The following CAMK1D variants were observed in gnomAD, a reference collection of about 807,000 sequenced individuals.
The protein encoded by CAMK1D is calcium/calmodulin dependent protein kinase ID.
Under a neutral mutation model 47.7 loss-of-function variants are expected in CAMK1D, and 9 were observed. That is an observed-to-expected ratio of 0.19 (90% CI 0.11 to 0.33). CAMK1D has a LOEUF of 0.33. Among genes scored for constraint, CAMK1D ranks in the 10% least tolerant of loss-of-function variants. The pLI, the probability that CAMK1D is intolerant of heterozygous loss-of-function variation, is 1.00. For synonymous variants in CAMK1D, 184 were observed against 184.9 expected (o/e 0.99, Z 0.04); for missense variants, 291 against 488.7 (o/e 0.60, Z 3.81).
chr10:12,440,635 G>A (rs1272536992), intron 1 of CAMK1D, among the ~76,000 whole-genome samples: 1 of 152,156 alleles, frequency 6.6e-6, no homozygotes, highest in Non-Finnish European at 1.5e-5. Context: ...GTTGAACTCA[G>A]TGGCACACTT....
At chr10:12,504,225 T>TACACACACAC (rs111662084) in intron 1 of CAMK1D, among the ~76,000 whole-genome samples, 4,457 of 147,644 alleles carry the variant, frequency 0.03, 88 homozygotes, top group South Asian at 0.072. Flanking sequence ...ATACACATTT[T>TACACACACAC]ACACACACAC....
At chr10:12,532,883 T>TA (rs1388376350) in intron 1 of CAMK1D, among the ~76,000 whole-genome samples, 1 of 142,000 alleles carries the variant, frequency 7.0e-6, no homozygotes, top group Non-Finnish European at 1.5e-5. Flanking sequence ...TTGTGGGATC[T>TA]AAAAAGCAAA....
intron 3 of CAMK1D, among the ~76,000 whole-genome samples, chr10:12,741,484 A>G (rs925358453): frequency 2.0e-5 from 3 of 152,216 alleles, no homozygotes; most frequent in African/African-American, 7.2e-5. Flanking sequence ...GTTTCCATGG[A>G]CAACAAATTT....
chr10:12,707,909 T>C (rs958694377), intron 3 of CAMK1D, among the ~76,000 whole-genome samples: 4 of 152,190 alleles, frequency 2.6e-5, no homozygotes, highest in African/African-American at 7.2e-5. Context: ...GATTTAAATA[T>C]GCTTAGCACA....
intron 1 of CAMK1D, among the ~76,000 whole-genome samples, chr10:12,393,803 AC>A (rs1198326226): frequency 6.6e-6 from 1 of 152,204 alleles, no homozygotes; most frequent in African/African-American, 2.4e-5. Flanking sequence ...CCTGAAGATG[AC>A]AGTGTTGACA....
At chr10:12,504,803 CG>C (rs1326367559) in intron 1 of CAMK1D, among the ~76,000 whole-genome samples, 1 of 152,162 alleles carries the variant, frequency 6.6e-6, no homozygotes, top group Non-Finnish European at 1.5e-5. Flanking sequence ...CCTCCCGGGA[CG>C]GGGCTCCTCT....
chr10:12,634,251 T>C (rs2132472476), intron 2 of CAMK1D, among the ~76,000 whole-genome samples: 1 of 152,320 alleles, frequency 6.6e-6, no homozygotes, highest in East Asian at 1.9e-4. Flanking sequence ...GCCTTTATTC[T>C]GTTTCACGCT....
At chr10:12,573,831 CTTTTTT>C (rs34038018) in intron 2 of CAMK1D, among the ~76,000 whole-genome samples, 19 of 64,092 alleles carry the variant, frequency 3.0e-4, no homozygotes, top group South Asian at 9.7e-4. Context: ...ATTAAAAAAA[CTTTTTT>C]TTTTTTTTTT....
intron 3 of CAMK1D, among the ~76,000 whole-genome samples, chr10:12,732,894 A>G (rs1419577554): frequency 6.6e-6 from 1 of 152,068 alleles, no homozygotes; most frequent in African/African-American, 2.4e-5. Flanking sequence ...CACCACTTAC[A>G]TCTGACAAGC....
At chr10:12,471,470 C>T (rs1833744999) in intron 1 of CAMK1D, among the ~76,000 whole-genome samples, 1 of 152,184 alleles carries the variant, frequency 6.6e-6, no homozygotes, top group Admixed American at 6.5e-5. Flanking sequence ...ACCATGTGAA[C>T]CGTGTCCGAG....
intron 3 of CAMK1D, among the ~76,000 whole-genome samples, chr10:12,705,409 C>T (rs932851794): frequency 3.3e-5 from 5 of 151,764 alleles, no homozygotes; most frequent in African/African-American, 9.7e-5. Flanking sequence ...TGCAGTGAGC[C>T]GAGGTTGTAC....
chr10:12,425,887 C>A (rs1383067622), intron 1 of CAMK1D, among the ~76,000 whole-genome samples: 1 of 152,198 alleles, frequency 6.6e-6, no homozygotes, highest in Admixed American at 6.5e-5. Context: ...GACTTTAAAT[C>A]CTGCCCCAGG....
At chr10:12,748,452 CAG>C (rs1835781439) in intron 3 of CAMK1D, among the ~76,000 whole-genome samples, 1 of 152,088 alleles carries the variant, frequency 6.6e-6, no homozygotes, top group Non-Finnish European at 1.5e-5. Context: ...GCGTGTGACT[CAG>C]AGTTTTCCTT....
chr10:12,427,159 G>C (rs1490508596), intron 1 of CAMK1D, among the ~76,000 whole-genome samples: 2 of 152,220 alleles, frequency 1.3e-5, no homozygotes, highest in Admixed American at 6.5e-5. Context: ...GGCATCACTG[G>C]CATTTCAGAT....
chr10:12,725,493 C>G (rs1834583380), intron 3 of CAMK1D: 2 of 154,236 alleles, frequency 1.3e-5, no homozygotes, highest in Admixed American at 6.5e-5. Context: ...TATATGAATC[C>G]AAACATGATT....
intron 2 of CAMK1D, among the ~76,000 whole-genome samples, chr10:12,610,388 C>A (rs1340438518): frequency 1.3e-5 from 2 of 152,166 alleles, no homozygotes; most frequent in Admixed American, 1.3e-4. Flanking sequence ...CCCTCCCCTC[C>A]TTTCTCTGGG....
intron 1 of CAMK1D, among the ~76,000 whole-genome samples, chr10:12,353,236 C>T (rs11598875): frequency 0.025 from 3,740 of 152,304 alleles, 69 homozygotes; most frequent in Middle Eastern, 0.061. Context: ...CACTGGCATT[C>T]ATTTCCAAAG....
At chr10:12,563,229 C>T (rs1283126896) in intron 2 of CAMK1D, among the ~76,000 whole-genome samples, 2 of 152,130 alleles carry the variant, frequency 1.3e-5, no homozygotes, top group African/African-American at 2.4e-5. Flanking sequence ...GCGGCACGCA[C>T]CTATACCTGC....
intron 1 of CAMK1D, among the ~76,000 whole-genome samples, chr10:12,536,629 C>T (rs879465622): frequency 5.3e-5 from 8 of 152,170 alleles, no homozygotes; most frequent in Non-Finnish European, 1.0e-4. Context: ...GCAACCTTTA[C>T]TCGAAGAGGG....
Sources: allele counts gnomAD v4.1 joint callset (sites outside exome capture counted in the v4.1 genomes callset), GRCh38; gene constraint gnomAD v4.1.1; transcripts MANE v1.5; gene names NCBI Gene and HGNC (gene_info 2026-07-23, HGNC 2026-07-21).